FGF12: variants seen among roughly 807,000 people sequenced by gnomAD.
FGF12 encodes fibroblast growth factor 12B.
Under a neutral mutation model 23.6 loss-of-function variants are expected in FGF12, and 14 were observed. That is an observed-to-expected ratio of 0.59 (90% CI 0.39 to 0.93). FGF12 has a LOEUF of 0.93. Ranked by LOEUF, FGF12 falls within the 40% of genes least tolerant of loss-of-function variation. The pLI is 0.00. For missense variants in FGF12, 175 were observed against 217.8 expected (o/e 0.80, Z 1.24); for synonymous variants, 62 against 77.3 (o/e 0.80, Z 1.04).
At position 192,409,371 on chromosome 3, in the gene FGF12, C is replaced by T. The variant is rs545014900; in HGVS notation, c.14-48833G>A. On this transcript the variant is annotated intron_variant, in intron 2 of 5. Coordinates refer to ENST00000445105, the MANE Select transcript of FGF12 (RefSeq NM_004113.6). This position sits in a 1 kb window ranked among gnomAD's most constrained non-coding sequence, Gnocchi z 4.8. The stretch of plus-strand genomic sequence containing the variant: ...CATGGTCCACCCGGGGCCGCCGCAC[C>T]GAGCTGGTCTCCGCACAGGCTCAGA... 2.7e-4 allele frequency among the ~76,000 whole-genome samples: 41 copies of T among 152,276 alleles called. No homozygotes were observed. Among genetic ancestry groups the T allele is most frequent in the South Asian group, 1.2e-3 (6 of 4,824 alleles).
intron 4 of FGF12, among the ~76,000 whole-genome samples, chr3:192,210,063 T>A (rs1170749023): frequency 6.6e-6 from 1 of 152,176 alleles, no homozygotes. Context: ...AACCAAAAAT[T>A]ATACCATATA....
rs111325691 is a variant in FGF12 at position 192,589,262 on chromosome 3, G to A, written c.13+137919C>T. 8.1e-3 allele frequency among the ~76,000 whole-genome samples: 1,217 copies of A among 150,802 alleles called. 23 individuals are homozygous for A. Among genetic ancestry groups the A allele is most frequent in the African/African-American group, 0.02 (824 of 41,122 alleles). ...AGGCAGGAGAATCACTTGAACCCAG[G>A]AGGCGAAGTTTGCAGGAAGCCGAGA... On this transcript the variant is annotated intron_variant, in intron 2 of 5. Transcript: ENST00000445105.
chr3:192,668,894 A>G lies in FGF12; in HGVS notation c.13+58287T>C, dbSNP rs114918604. Reference sequence around the variant, plus strand: ...AATAAGACTTTTTAAAAGGAGGATTAGAACCCTCAGAGAAAAGAACAGACT... The same window carrying G: ...AATAAGACTTTTTAAAAGGAGGATTGGAACCCTCAGAGAAAAGAACAGACT... On this transcript the variant is annotated intron_variant, in intron 2 of 5. Transcript: ENST00000445105. Among the ~76,000 whole-genome samples the G allele has an allele frequency of 9.8e-3, 1,500 of 152,332 alleles. 29 individuals carry two copies. The highest frequency in any genetic ancestry group is 0.034 in the African/African-American group (1,419 of 41,558).
At chr3:192,192,198 A>G (rs1483908955) in intron 4 of FGF12, among the ~76,000 whole-genome samples, 2 of 152,140 alleles carry the variant, frequency 1.3e-5, no homozygotes, top group Non-Finnish European at 2.9e-5. Flanking sequence ...GAGAAATAAT[A>G]AAATTATTAC....
At chr3:192,694,148 G>A (rs1718032100) in intron 2 of FGF12, among the ~76,000 whole-genome samples, 2 of 152,078 alleles carry the variant, frequency 1.3e-5, no homozygotes, top group Non-Finnish European at 2.9e-5. Context: ...TATGTGAAAA[G>A]GTGCTCAACG....
At position 192,523,751 on chromosome 3, in the gene FGF12, C is replaced by T. The variant is rs368385973; in HGVS notation, c.14-163213G>A. On this transcript the variant is annotated intron_variant, in intron 2 of 5. Coordinates refer to ENST00000445105, the MANE Select transcript of FGF12 (RefSeq NM_004113.6). ...TAAATATAACCCTGCCCTCAGTGGA[C>T]TCACTATCTCATAGGGATGGAAATA... Among the ~76,000 whole-genome samples, 4 of 152,202 alleles carry T rather than the reference C, an allele frequency of 2.6e-5. 1 individual carries two copies. Among genetic ancestry groups the T allele is most frequent in the East Asian group, 1.9e-4 (1 of 5,202 alleles).
intron 4 of FGF12, among the ~76,000 whole-genome samples, chr3:192,303,274 G>A (rs75082393): frequency 0.028 from 4,283 of 152,242 alleles, 159 homozygotes; most frequent in South Asian, 0.17. Context: ...CAACATCAGA[G>A]ATTTTGTCAC....
chr3:192,571,454 G>A (rs1317870222), intron 2 of FGF12, among the ~76,000 whole-genome samples: 1 of 152,250 alleles, frequency 6.6e-6, no homozygotes, highest in Non-Finnish European at 1.5e-5. Context: ...CTGCCAGAGC[G>A]ACGGAGCGCG....
intron 5 of FGF12, among the ~76,000 whole-genome samples, chr3:192,158,338 C>CTTTCTTTCTT (rs1553844050): frequency 4.3e-5 from 3 of 69,094 alleles, no homozygotes; most frequent in African/African-American, 1.5e-4. Context: ...CTTTCTCTTT[C>CTTTCTTTCTT]TTTCTTTCTT....
intron 2 of FGF12, among the ~76,000 whole-genome samples, chr3:192,691,979 C>A (rs1382174408): frequency 6.6e-6 from 1 of 152,044 alleles, no homozygotes; most frequent in Non-Finnish European, 1.5e-5. Flanking sequence ...AAAGAGAAAT[C>A]ATGAACATAC....
chr3:192,146,333 C>A (rs995311417), intron 5 of FGF12, among the ~76,000 whole-genome samples: 17 of 142,498 alleles, frequency 1.2e-4, no homozygotes, highest in Non-Finnish European at 4.5e-5. Flanking sequence ...TGCTTTGGTG[C>A]TATCTAGGCT....
chr3:192,395,805 T>C (rs1177261624), intron 2 of FGF12, among the ~76,000 whole-genome samples: 2 of 152,208 alleles, frequency 1.3e-5, no homozygotes, highest in South Asian at 2.1e-4. Flanking sequence ...CTTTGAATAA[T>C]GGGCAGGACT....
intron 2 of FGF12, among the ~76,000 whole-genome samples, chr3:192,575,582 C>T (rs930461654): frequency 2.0e-5 from 3 of 152,110 alleles, no homozygotes; most frequent in African/African-American, 7.2e-5. Context: ...CTAGGGCTTC[C>T]ATATTGAAGT....
At chr3:192,337,497 C>T (rs1184713585) in intron 3 of FGF12, among the ~76,000 whole-genome samples, 1 of 152,184 alleles carries the variant, frequency 6.6e-6, no homozygotes, top group Non-Finnish European at 1.5e-5. Flanking sequence ...GAGTCTGTCA[C>T]TCTAATCTTA....
intron 2 of FGF12, among the ~76,000 whole-genome samples, chr3:192,523,155 A>T (rs1258146929): frequency 1.3e-5 from 2 of 152,236 alleles, no homozygotes; most frequent in African/African-American, 4.8e-5. Flanking sequence ...AAGGAGACAC[A>T]CAGGGACTAG....
At chr3:192,229,684 A>C (rs1331484653) in intron 4 of FGF12, among the ~76,000 whole-genome samples, 1 of 152,068 alleles carries the variant, frequency 6.6e-6, no homozygotes, top group Admixed American at 6.6e-5. Context: ...TCTATGAGCA[A>C]TTTATAAATG....
chr3:192,258,720 A>G (rs2108615001), intron 4 of FGF12, among the ~76,000 whole-genome samples: 1 of 152,276 alleles, frequency 6.6e-6, no homozygotes, highest in South Asian at 2.1e-4. Context: ...ATTAACACAA[A>G]TGGGCAGATT....
In FGF12 at chr3:192,580,272, C is replaced by T. The variant is rs151080203; in HGVS notation, c.13+146909G>A. Among the ~76,000 whole-genome samples the T allele has an allele frequency of 3.0e-3, 451 of 151,778 alleles. 3 individuals are homozygous for T. Among genetic ancestry groups the T allele is most frequent in the African/African-American group, 0.01 (425 of 41,402 alleles). ...GGCCATAAAGGTGACAGCCAATGTG[C>T]GGTATTAGAAGAAGCTACTGGAATT... On this transcript the variant is annotated intron_variant, in intron 2 of 5. Coordinates refer to ENST00000445105, the MANE Select transcript of FGF12 (RefSeq NM_004113.6).
At chr3:192,571,168 G>T (rs1377248517) in intron 2 of FGF12, among the ~76,000 whole-genome samples, 2 of 152,190 alleles carry the variant, frequency 1.3e-5, no homozygotes, top group Non-Finnish European at 2.9e-5. Flanking sequence ...ACAGTTAATG[G>T]ACTGTCAATG....
Sources: gnomAD v4.1 joint callset for allele counts (sites outside exome capture counted in the v4.1 genomes callset) on GRCh38, gnomAD v4.1.1 for gene constraint, Gnocchi (gnomAD v3.1) non-coding constraint, MANE v1.5 for transcripts, NCBI Gene and HGNC (gene_info 2026-07-23, HGNC 2026-07-21) for gene names.